MTUS2: variants seen among roughly 807,000 people sequenced by gnomAD.
The protein encoded by MTUS2 is microtubule-associated tumor suppressor candidate 2.
In MTUS2, 40 loss-of-function variants were observed where a neutral mutation model predicts 114.1. The observed-to-expected ratio is 0.35, with a 90% CI of 0.27 to 0.46. The LOEUF (loss-of-function observed/expected upper bound fraction) is 0.46. Among genes scored for constraint, MTUS2 ranks in the 20% least tolerant of loss-of-function variants. The pLI, the probability that MTUS2 is intolerant of heterozygous loss-of-function variation, is 1.00. For missense variants in MTUS2, 1,679 were observed against 1,705.4 expected (o/e 0.98, Z 0.27); for synonymous variants, 688 against 672.0 (o/e 1.02, Z -0.37).
chr13:29,023,782 A>T (rs1414853228), intron 2 of MTUS2, among the ~76,000 whole-genome samples: 2 of 152,148 alleles, frequency 1.3e-5, no homozygotes, highest in East Asian at 1.9e-4. Context: ...AATTTGCCAG[A>T]TTATTGTCTC....
rs115247016 is a variant in MTUS2, at chr13:29,439,090, C to T, written c.3118-893C>T. Among the ~76,000 whole-genome samples, 1,343 of 152,290 alleles carry T rather than the reference C, an allele frequency of 8.8e-3. 25 individuals carry two copies. Among genetic ancestry groups the T allele is most frequent in the African/African-American group, 0.031 (1,290 of 41,548 alleles). ...CACATTTTACTCAAAATTCCCTCCC[C>T]GGAAATCACTTTGCTTCGAGAGTCC... On this transcript the variant is annotated intron_variant, in intron 8 of 15. Coordinates refer to ENST00000612955, the MANE Select transcript of MTUS2 (RefSeq NM_001033602.4).
intron 5 of MTUS2, among the ~76,000 whole-genome samples, chr13:29,213,368 G>T (rs186368832): frequency 1.2e-4 from 19 of 152,270 alleles, no homozygotes; most frequent in Admixed American, 1.2e-3. Context: ...TTGTTTGATA[G>T]CATTGTCAAG....
chr13:29,266,715 T>C (rs921996816), intron 5 of MTUS2, among the ~76,000 whole-genome samples: 2 of 152,180 alleles, frequency 1.3e-5, no homozygotes, highest in African/African-American at 4.8e-5. Context: ...GTGAAGCTTT[T>C]AGAGAGTCTG....
At chr13:29,151,272 A>G (rs1167983048) in intron 5 of MTUS2, among the ~76,000 whole-genome samples, 1 of 152,014 alleles carries the variant, frequency 6.6e-6, no homozygotes, top group Non-Finnish European at 1.5e-5. Context: ...GGTTAAATAT[A>G]TTTGTAGATA....
At chr13:29,207,931 C>A (rs181743109) in intron 5 of MTUS2, among the ~76,000 whole-genome samples, 2 of 152,080 alleles carry the variant, frequency 1.3e-5, no homozygotes. Context: ...TAGGGTGATA[C>A]TGGCTTCATA....
chr13:29,205,733 A>G (rs1181154734), intron 5 of MTUS2, among the ~76,000 whole-genome samples: 2 of 152,232 alleles, frequency 1.3e-5, no homozygotes, highest in African/African-American at 4.8e-5. Flanking sequence ...TGTGAATGCC[A>G]TTATTTCATT....
At chr13:28,861,848 A>G (rs1002800139) in intron 2 of MTUS2, among the ~76,000 whole-genome samples, 2 of 152,038 alleles carry the variant, frequency 1.3e-5, no homozygotes, top group Admixed American at 6.5e-5. Context: ...TGAGTGGGAA[A>G]TGCCCTCCTG....
rs113269685 is a variant in MTUS2 at position 28,945,057 on chromosome 13, G to GGTAA, written c.-242-79398_-242-79397insAAGT. 8.5e-3 allele frequency among the ~76,000 whole-genome samples: 1,296 copies of GGTAA among 152,188 alleles called. 20 individuals carry two copies. The highest frequency in any genetic ancestry group is 0.028 in the African/African-American group (1,182 of 41,496). ...GCATACACATTATTTAGCTCTGAGTGGTGAGAAATGCAGTATTTGACTTTA... is the reference window on the plus strand; with the variant it reads ...GCATACACATTATTTAGCTCTGAGTGGTAAGTGAGAAATGCAGTATTTGACTTTA... On this transcript the variant is annotated intron_variant, in intron 2 of 15. Transcript: ENST00000612955.
chr13:29,272,003 T>C (rs1449361991), intron 5 of MTUS2, among the ~76,000 whole-genome samples: 1 of 152,234 alleles, frequency 6.6e-6, no homozygotes, highest in Non-Finnish European at 1.5e-5. Flanking sequence ...AAACTTTTCA[T>C]ATCTAACGTT....
At chr13:29,188,820 C>A (rs9550447) in intron 5 of MTUS2, among the ~76,000 whole-genome samples, 12,716 of 152,234 alleles carry the variant, frequency 0.084, 692 homozygotes, top group African/African-American at 0.14. Flanking sequence ...TGGTCAGTTA[C>A]ATGCAGTGAG....
intron 5 of MTUS2, among the ~76,000 whole-genome samples, chr13:29,238,870 G>C (rs1341584083): frequency 6.6e-6 from 1 of 152,134 alleles, no homozygotes; most frequent in African/African-American, 2.4e-5. Context: ...GACAAATGCT[G>C]TATGATTTCA....
Position 29,423,734 on chromosome 13 carries a change from A to T in MTUS2, c.3118-16249A>T, listed in dbSNP as rs144408179. Reference sequence around the variant, plus strand: ...ATTGGCATGTAAAAGATGATTAGGCATTTATCCTGTCCTTCCTGTACAAAC... The same window carrying T: ...ATTGGCATGTAAAAGATGATTAGGCTTTTATCCTGTCCTTCCTGTACAAAC... On this transcript the variant is annotated intron_variant, in intron 8 of 15. Coordinates refer to ENST00000612955, the MANE Select transcript of MTUS2 (RefSeq NM_001033602.4). Among the ~76,000 whole-genome samples, 4 of 152,356 alleles carry T rather than the reference A, an allele frequency of 2.6e-5. No individual in the cohort carries two copies. In the East Asian group the frequency reaches 7.7e-4, roughly 29 times the overall value.
At position 29,209,830 on chromosome 13, in the gene MTUS2, T is replaced by C. The variant is rs150444448; in HGVS notation, c.2645-71874T>C. Among the ~76,000 whole-genome samples the C allele has an allele frequency of 3.0e-4, 46 of 152,326 alleles. No homozygotes were observed. The East Asian group carries it at 8.5e-3, about 28-fold the overall frequency. On this transcript the variant is annotated intron_variant, in intron 5 of 15. Coordinates refer to ENST00000612955, the MANE Select transcript of MTUS2 (RefSeq NM_001033602.4). ...ATCTGATAGGTATTCCTCTATAAGT[T>C]ACTTGTTACTTTTTCCTCACAGCTT...
chr13:28,950,395 G>A (rs1882750034), intron 2 of MTUS2, among the ~76,000 whole-genome samples: 1 of 152,142 alleles, frequency 6.6e-6, no homozygotes, highest in Non-Finnish European at 1.5e-5. Flanking sequence ...CCATTCAATA[G>A]GTTACCGTTT....
chr13:28,879,680 T>C (rs1878170402), intron 2 of MTUS2, among the ~76,000 whole-genome samples: 1 of 152,220 alleles, frequency 6.6e-6, no homozygotes, highest in Admixed American at 6.5e-5. Context: ...GAGAGAGTTT[T>C]AAATGATTTC....
intron 2 of MTUS2, among the ~76,000 whole-genome samples, chr13:28,874,381 A>G (rs892521151): frequency 2.6e-5 from 4 of 152,220 alleles, no homozygotes; most frequent in African/African-American, 9.6e-5. Flanking sequence ...CAAAAACTTA[A>G]TAGCTTAAAA....
chr13:29,063,784 T>G (rs534037501), intron 4 of MTUS2, among the ~76,000 whole-genome samples: 112 of 152,346 alleles, frequency 7.4e-4, no homozygotes, highest in African/African-American at 2.5e-3. Context: ...GTATAAGAAT[T>G]CTGAAAATAT....
chr13:29,378,330 T>G (rs1266661160), intron 8 of MTUS2, among the ~76,000 whole-genome samples: 1 of 152,206 alleles, frequency 6.6e-6, no homozygotes. Context: ...GGTTGTTTTC[T>G]TATTGTCCTT....
At chr13:29,001,961 C>T (rs1885404606) in intron 2 of MTUS2, among the ~76,000 whole-genome samples, 1 of 152,142 alleles carries the variant, frequency 6.6e-6, no homozygotes, top group Admixed American at 6.5e-5. Flanking sequence ...ATACATTTCT[C>T]CAGCTTTTTG....
Sources: allele counts gnomAD v4.1 joint callset (sites outside exome capture counted in the v4.1 genomes callset), GRCh38; gene constraint gnomAD v4.1.1; transcripts MANE v1.5; gene names NCBI Gene and HGNC (gene_info 2026-07-23, HGNC 2026-07-21).